Variants in LCORL observed in about 807,000 individuals in gnomAD.
The protein encoded by LCORL is ligand dependent nuclear receptor corepressor like.
In LCORL, 41 loss-of-function variants were observed where a neutral mutation model predicts 141.8. The observed-to-expected ratio is 0.29, with a 90% CI of 0.23 to 0.38. The LOEUF is 0.38. Ranked by LOEUF, LCORL falls within the 10% of genes least tolerant of loss-of-function variation. The pLI, the probability that LCORL is intolerant of heterozygous loss-of-function variation, is 1.00. For synonymous variants in LCORL, 618 were observed against 694.1 expected (o/e 0.89, Z 1.72); for missense variants, 1,759 against 2,035.0 (o/e 0.86, Z 2.61).
exon 8 of LCORL, chr4:17,844,100 G>A (rs1319946029): frequency 6.6e-6 from 1 of 151,828 alleles, no homozygotes; most frequent in Non-Finnish European, 1.5e-5. Context: ...TAACCATGAA[G>A]CTGCTCGCTA....
chr4:17,933,054 A>AT (rs1049383302), intron 4 of LCORL, among the ~76,000 whole-genome samples: 1 of 151,842 alleles, frequency 6.6e-6, no homozygotes, highest in Non-Finnish European at 1.5e-5. Context: ...GATTTACCTG[A>AT]TTTTTATCTT....
At chr4:17,902,349 C>A (rs1017088566) in intron 5 of LCORL, among the ~76,000 whole-genome samples, 13 of 152,098 alleles carry the variant, frequency 8.5e-5, no homozygotes, top group Admixed American at 6.6e-4. Flanking sequence ...GGACACATAA[C>A]CATCTAGACA....
chr4:17,878,649 A>AT (rs1727173200), intron 6 of LCORL, among the ~76,000 whole-genome samples: 1 of 151,368 alleles, frequency 6.6e-6, no homozygotes, highest in African/African-American at 2.4e-5. Context: ...TAAAATAGAT[A>AT]TTTTTTCCAA....
chr4:17,872,024 TAA>T (rs2109169191), intron 7 of LCORL, among the ~76,000 whole-genome samples: 1 of 152,166 alleles, frequency 6.6e-6, no homozygotes, highest in South Asian at 2.1e-4. Flanking sequence ...TATTTTAATA[TAA>T]GACCTGATAC....
intron 1 of LCORL, among the ~76,000 whole-genome samples, chr4:17,980,902 G>A (rs761986462): frequency 2.6e-5 from 4 of 152,112 alleles, no homozygotes; most frequent in Admixed American, 1.3e-4. Context: ...AATGCCTAAC[G>A]ATCTGAGGGG....
intron 4 of LCORL, among the ~76,000 whole-genome samples, chr4:17,928,121 C>T (rs996438372): frequency 6.6e-6 from 1 of 152,136 alleles, no homozygotes; most frequent in Admixed American, 6.5e-5. Flanking sequence ...AATCAGTCCA[C>T]CCTGGCTGGG....
intron 7 of LCORL, among the ~76,000 whole-genome samples, chr4:17,857,352 G>A (rs1156457498): frequency 6.6e-6 from 1 of 152,168 alleles, no homozygotes; most frequent in Non-Finnish European, 1.5e-5. Context: ...CAGTGGATAA[G>A]TATTTCCCAA....
chr4:17,842,521 G>C, exon 8 of LCORL: 1 of 658,720 alleles, frequency 1.5e-6, no homozygotes, highest in Non-Finnish European at 2.6e-6. Context: ...TAGGTATATA[G>C]TCTAAAATTC....
intron 4 of LCORL, among the ~76,000 whole-genome samples, chr4:17,913,339 G>A (rs1161854069): frequency 6.6e-6 from 1 of 152,162 alleles, no homozygotes; most frequent in Non-Finnish European, 1.5e-5. Flanking sequence ...TAAACCAGTG[G>A]GTTCAAGAGA....
chr4:17,855,072 AAC>A (rs915799948), intron 7 of LCORL, among the ~76,000 whole-genome samples: 1 of 152,174 alleles, frequency 6.6e-6, no homozygotes, highest in Non-Finnish European at 1.5e-5. Flanking sequence ...GAATAAAAAA[AAC>A]AGTTTTCTCC....
chr4:18,009,967 T>C lies in LCORL; in HGVS notation c.154+11631A>G, dbSNP rs571533359. Among the ~76,000 whole-genome samples, 3 of 152,256 alleles carry C rather than the reference T, an allele frequency of 2.0e-5. No homozygotes were observed. The East Asian group carries it at 5.8e-4, about 29-fold the overall frequency. On this transcript the variant is annotated intron_variant, in intron 1 of 7. Transcript: ENST00000635767. ...ACCCTTGTTTTCTCCCACTTGATGTTTTAGTACTGAGCTGTTCAGAAAGGG... is the reference window on the plus strand; with the variant it reads ...ACCCTTGTTTTCTCCCACTTGATGTCTTAGTACTGAGCTGTTCAGAAAGGG...
At chr4:17,891,199 G>A (rs1046348270) in intron 5 of LCORL, among the ~76,000 whole-genome samples, 18 of 152,036 alleles carry the variant, frequency 1.2e-4, no homozygotes, top group Non-Finnish European at 2.1e-4. Context: ...CAACCGGATG[G>A]CATAAATAGG....
At chr4:17,876,963 AAAG>A (rs1726987452) in exon 7 of LCORL, 2 of 1,230,694 alleles carry the variant, frequency 1.6e-6, no homozygotes, top group South Asian at 8.2e-5. Context: ...AGAATTTTGT[AAAG>A]AAGGCCCTTG....
At chr4:17,896,474 G>A (rs906771817) in intron 5 of LCORL, among the ~76,000 whole-genome samples, 5 of 152,154 alleles carry the variant, frequency 3.3e-5, no homozygotes, top group African/African-American at 1.2e-4. Context: ...GGTAGAGACA[G>A]GGTTTCACTG....
At chr4:17,930,147 A>G (rs143758422) in intron 4 of LCORL, among the ~76,000 whole-genome samples, 10 of 152,340 alleles carry the variant, frequency 6.6e-5, no homozygotes, top group African/African-American at 2.4e-4. Flanking sequence ...CCCTCATACA[A>G]TGTTGGTGGC....
At chr4:17,897,827 C>T (rs955789920) in intron 5 of LCORL, among the ~76,000 whole-genome samples, 2 of 152,144 alleles carry the variant, frequency 1.3e-5, no homozygotes, top group African/African-American at 4.8e-5. Flanking sequence ...TCATCTTGTA[C>T]ATTTCCTAGT....
At chr4:17,859,752 C>T (rs921066099) in intron 7 of LCORL, among the ~76,000 whole-genome samples, 15 of 151,600 alleles carry the variant, frequency 9.9e-5, no homozygotes, top group South Asian at 4.1e-4. Context: ...GTAACAACTT[C>T]AGTAAAGTTT....
intron 6 of LCORL, chr4:17,883,790 G>C: frequency 6.4e-7 from 1 of 1,550,506 alleles, no homozygotes; most frequent in Non-Finnish European, 8.7e-7. Flanking sequence ...CCCAGTGTCT[G>C]GTAATCGTAG....
chr4:17,915,916 C>T (rs1733323672), intron 4 of LCORL, among the ~76,000 whole-genome samples: 1 of 152,198 alleles, frequency 6.6e-6, no homozygotes, highest in African/African-American at 2.4e-5. Flanking sequence ...AAGTTGGGGT[C>T]TGATGGGAGG....
Sources: gnomAD v4.1 joint callset for allele counts (sites outside exome capture counted in the v4.1 genomes callset) on GRCh38, gnomAD v4.1.1 for gene constraint, MANE v1.5 for transcripts, NCBI Gene and HGNC (gene_info 2026-07-23, HGNC 2026-07-21) for gene names.